The following FUT8 variants were observed in gnomAD, a reference collection of about 807,000 sequenced individuals.
FUT8 encodes alpha-(1,6)-fucosyltransferase.
A neutral mutation model predicts 71.3 loss-of-function variants in FUT8; 29 were observed. The observed-to-expected ratio is 0.41, with a 90% CI of 0.30 to 0.55. The LOEUF (loss-of-function observed/expected upper bound fraction) is 0.55. Among genes scored for constraint, FUT8 ranks in the 20% least tolerant of loss-of-function variants. The pLI is 0.34. For synonymous variants in FUT8, 254 were observed against 239.3 expected (o/e 1.06, Z -0.57); for missense variants, 544 against 702.1 (o/e 0.77, Z 2.55).
At chr14:65,629,464 C>T (rs774399014) in intron 5 of FUT8, 28 bp from the exon 6 acceptor site, 4 of 1,448,008 alleles carry the variant, frequency 2.8e-6, no homozygotes, top group South Asian at 2.3e-5. Flanking sequence ...CAGACAAGTT[C>T]GATCTCCATT....
intron 6 of FUT8, among the ~76,000 whole-genome samples, chr14:65,630,636 G>T (rs1384723219): frequency 6.6e-6 from 1 of 152,184 alleles, no homozygotes; most frequent in Non-Finnish European, 1.5e-5. Flanking sequence ...GTATGTGGCA[G>T]TTTGCTTTGG....
intron 7 of FUT8, among the ~76,000 whole-genome samples, chr14:65,683,847 T>C (rs1001389475): frequency 2.0e-5 from 3 of 151,990 alleles, no homozygotes; most frequent in Non-Finnish European, 4.4e-5. Context: ...AATCTGATAA[T>C]AGCTTCAAGC....
chr14:65,615,775 C>T lies in FUT8; in HGVS notation c.204-203C>T, dbSNP rs2073294. 0.13 allele frequency among the ~76,000 whole-genome samples: 20,024 copies of T among 152,142 alleles called. 1,726 individuals are homozygous for T. Among genetic ancestry groups the T allele is most frequent in the East Asian group, 0.38 (1,981 of 5,170 alleles). The stretch of plus-strand genomic sequence containing the variant: ...GATTTCTGAAGTAGATTAATATTTT[C>T]TATTTTTCGTTATTATCATTTCATT... On this transcript the variant is annotated intron_variant, in intron 3 of 10. Coordinates refer to ENST00000673929, the MANE Select transcript of FUT8 (RefSeq NM_001371533.1).
At chr14:65,571,195 C>T (rs1886453841) in intron 3 of FUT8, among the ~76,000 whole-genome samples, 2 of 151,994 alleles carry the variant, frequency 1.3e-5, no homozygotes, top group African/African-American at 4.8e-5. Flanking sequence ...TAATCTTTTT[C>T]AATGACTGAT....
chr14:65,707,480 A>G lies in FUT8; in HGVS notation c.836-14295A>G, dbSNP rs372185870. On this transcript the variant is annotated intron_variant, in intron 7 of 10. Transcript: ENST00000673929. ...TTCACTCTCGTTTTCTTTGCTGTAC[A>G]GAACGTTTTATTTTGATTCAGTTCC... Among the ~76,000 whole-genome samples, 38 of 152,108 alleles carry G rather than the reference A, an allele frequency of 2.5e-4. No individual in the cohort carries two copies. In the South Asian group the frequency reaches 6.4e-3, roughly 26 times the overall value.
chr14:65,484,024 G>T (rs2066371803), intron 2 of FUT8, among the ~76,000 whole-genome samples: 1 of 152,142 alleles, frequency 6.6e-6, no homozygotes, highest in Non-Finnish European at 1.5e-5. Flanking sequence ...ACCACACCCG[G>T]CCAATAACAT....
At chr14:65,390,569 C>T in the FUT8 span, among the ~76,000 whole-genome samples, 1 of 151,570 alleles carries the variant, frequency 6.6e-6, no homozygotes, top group Non-Finnish European at 1.5e-5. Flanking sequence ...TTCAGGTTTT[C>T]TAAAAGGGTT....
chr14:65,486,260 T>C (rs1174965424), intron 2 of FUT8, among the ~76,000 whole-genome samples: 1 of 152,214 alleles, frequency 6.6e-6, no homozygotes, highest in Non-Finnish European at 1.5e-5. Flanking sequence ...GGTATTTTTT[T>C]CCAATATTAT....
intron 2 of FUT8, among the ~76,000 whole-genome samples, chr14:65,558,013 T>C (rs977383992): frequency 6.6e-6 from 1 of 152,100 alleles, no homozygotes; most frequent in Non-Finnish European, 1.5e-5. Context: ...ATACATTATT[T>C]TTTCATGGTT....
upstream of FUT8, among the ~76,000 whole-genome samples, chr14:65,410,280 A>G (rs1330308449): frequency 6.6e-6 from 1 of 152,166 alleles, no homozygotes; most frequent in Non-Finnish European, 1.5e-5. Context: ...CTGGAAATTC[A>G]TGATTGGCTT....
At chr14:65,721,392 T>C (rs1411867606) in intron 7 of FUT8, among the ~76,000 whole-genome samples, 1 of 152,240 alleles carries the variant, frequency 6.6e-6, no homozygotes, top group Non-Finnish European at 1.5e-5. Flanking sequence ...AATGAAAAGC[T>C]AGAAGTTTCG....
At chr14:65,439,978 ATATATATATATATG>A (rs1566748267) in intron 1 of FUT8, among the ~76,000 whole-genome samples, 1 of 137,294 alleles carries the variant, frequency 7.3e-6, no homozygotes, top group South Asian at 2.3e-4. Flanking sequence ...ATATATATAT[ATATATATATATATG>A]TACACACACA....
the FUT8 span, among the ~76,000 whole-genome samples, chr14:65,369,099 G>A: frequency 1.3e-5 from 2 of 152,008 alleles, no homozygotes; most frequent in African/African-American, 2.4e-5. The surrounding 1 kb of genome is among the most constrained non-coding windows in gnomAD (Gnocchi z 4.6). Flanking sequence ...TATATTTTAC[G>A]TGTAGAGCAC....
rs10137309 is a variant in FUT8 at position 65,416,025 on chromosome 14, A to T, written c.-326+2811A>T. ...GCAGATAGTGTTTGGGCTGTTTATTATCCATAGCTCTTCATTATGTAAATA... is the reference window on the plus strand; with the variant it reads ...GCAGATAGTGTTTGGGCTGTTTATTTTCCATAGCTCTTCATTATGTAAATA... On this transcript the variant is annotated intron_variant, in intron 1 of 10. Coordinates refer to ENST00000673929, the MANE Select transcript of FUT8 (RefSeq NM_001371533.1). Among the ~76,000 whole-genome samples the T allele has an allele frequency of 3.9e-3, 596 of 152,300 alleles. 2 individuals are homozygous for T. Among genetic ancestry groups the T allele is most frequent in the African/African-American group, 0.014 (566 of 41,574 alleles).
At chr14:65,482,221 A>G (rs1020819032) in intron 2 of FUT8, among the ~76,000 whole-genome samples, 1 of 152,030 alleles carries the variant, frequency 6.6e-6, no homozygotes, top group Non-Finnish European at 1.5e-5. Flanking sequence ...TTTCAGCATC[A>G]TTTACTGAAG....
chr14:65,503,129 G>A (rs2066673249), intron 2 of FUT8, among the ~76,000 whole-genome samples: 1 of 152,208 alleles, frequency 6.6e-6, no homozygotes, highest in South Asian at 2.1e-4. Context: ...GGTAGGATCA[G>A]AGAAATATAT....
intron 7 of FUT8, among the ~76,000 whole-genome samples, chr14:65,719,559 T>C (rs1895299011): frequency 6.6e-6 from 1 of 152,170 alleles, no homozygotes; most frequent in African/African-American, 2.4e-5. Context: ...ATCGTAGTCT[T>C]CACAATCTGA....
intron 1 of FUT8, among the ~76,000 whole-genome samples, chr14:65,433,698 T>G (rs1159933588): frequency 6.6e-6 from 1 of 152,240 alleles, no homozygotes; most frequent in African/African-American, 2.4e-5. Flanking sequence ...TTTCACTATT[T>G]GTAATGTAAA....
chr14:65,724,480 A>T lies in FUT8; in HGVS notation c.1259+157A>T, dbSNP rs137943271. ...TATGTACTTGTGTAACTGTCAGTCT[A>T]ATCAAAGTGTTTTTATTAGCCATAT... On this transcript the variant is annotated intron_variant, in intron 9 of 10. Coordinates refer to ENST00000673929, the MANE Select transcript of FUT8 (RefSeq NM_001371533.1). Among the ~76,000 whole-genome samples, 34 of 152,320 alleles carry T rather than the reference A, an allele frequency of 2.2e-4. 1 individual carries two copies. The East Asian group carries it at 6.4e-3, about 28-fold the overall frequency.
Sources: gnomAD v4.1 joint callset for allele counts (sites outside exome capture counted in the v4.1 genomes callset) on GRCh38, gnomAD v4.1.1 for gene constraint, Gnocchi (gnomAD v3.1) non-coding constraint, MANE v1.5 for transcripts, NCBI Gene and HGNC (gene_info 2026-07-23, HGNC 2026-07-21) for gene names.